The following AKAP13 variants were observed in gnomAD, a reference collection of about 807,000 sequenced individuals.
AKAP13 encodes the protein A-kinase anchoring protein 13.
A neutral mutation model predicts 264.5 loss-of-function variants in AKAP13; 80 were observed. The observed-to-expected ratio is 0.30, with a 90% CI of 0.25 to 0.36. The LOEUF (loss-of-function observed/expected upper bound fraction) is 0.36, where lower values mean the gene tolerates loss of function less well. Ranked by LOEUF, AKAP13 falls within the 10% of genes least tolerant of loss-of-function variation. AKAP13 has a pLI of 1.00. For synonymous variants in AKAP13, 1,380 were observed against 1,250.2 expected, an observed-to-expected ratio of 1.10 and a Z score of -2.19; for missense variants, 3,712 against 3,435.2, an observed-to-expected ratio of 1.08 and a Z score of -2.01.
At chr15:85,483,934 G>C (rs1186393088) in intron 1 of AKAP13, among the ~76,000 whole-genome samples, 1 of 151,978 alleles carries the variant, frequency 6.6e-6, no homozygotes, top group African/African-American at 2.4e-5. Flanking sequence ...TTCTTCCAGC[G>C]TGGCCCAGGG....
intron 1 of AKAP13, among the ~76,000 whole-genome samples, chr15:85,388,948 T>C (rs368713348): frequency 3.3e-5 from 5 of 152,338 alleles, no homozygotes; most frequent in Admixed American, 6.5e-5. Context: ...GCCAAACTTA[T>C]GTGTGTAAGT....
chr15:85,622,781 G>A (rs2081252164), intron 8 of AKAP13, among the ~76,000 whole-genome samples: 1 of 152,190 alleles, frequency 6.6e-6, no homozygotes, highest in Non-Finnish European at 1.5e-5. Flanking sequence ...TGCAGTCCCA[G>A]GTTGGACTGT....
At chr15:85,668,016 A>C (rs568250259) in intron 13 of AKAP13, among the ~76,000 whole-genome samples, 1 of 152,002 alleles carries the variant, frequency 6.6e-6, no homozygotes, top group East Asian at 1.9e-4. Flanking sequence ...TGGAATCTCT[A>C]CTTACCCATA....
At chr15:85,463,613 G>A (rs915170530) in intron 1 of AKAP13, among the ~76,000 whole-genome samples, 6 of 152,178 alleles carry the variant, frequency 3.9e-5, no homozygotes, top group South Asian at 2.1e-4. Context: ...ATCTTTTTGT[G>A]TGTGCTGCTT....
At chr15:85,655,965 A>G (rs191838396) in intron 11 of AKAP13, among the ~76,000 whole-genome samples, 178 bp downstream of exon 11, 5 of 152,346 alleles carry the variant, frequency 3.3e-5, no homozygotes, top group African/African-American at 1.2e-4. Flanking sequence ...TACTATGTAG[A>G]TGACCTTGGG....
At position 85,747,504 on chromosome 15, in the gene AKAP13, A is replaced by T. The variant is rs1167855480; in HGVS notation, c.*2827A>T. 6.6e-6 allele frequency: 1 copy of T among 152,550 alleles called. No homozygotes were observed. Among genetic ancestry groups the T allele is most frequent in the Non-Finnish European group, 1.5e-5 (1 of 68,024 alleles). 9.4% of individuals were successfully genotyped at this position (152,550 alleles called of 1,614,324 possible). A position where few individuals can be genotyped will look rare whatever the true frequency, so the allele number is the denominator to read the frequency against. The stretch of plus-strand genomic sequence containing the variant: ...TGAAACTGTGCTTAAGTTTTGGGGG[A>T]AAGATGGAGTTCCTATCCAGAGCCC... On this transcript the variant is annotated 3_prime_UTR_variant, in exon 37 of 37. Transcript: ENST00000394518.
Position 85,684,834 on chromosome 15 carries a change from C to T in AKAP13, c.5250C>T (p.Ser1750=), listed in dbSNP as rs758822597. The T allele has an allele frequency of 2.5e-6, 4 of 1,613,838 alleles. No homozygotes were observed. In the African/African-American group the frequency reaches 5.3e-5, roughly 22 times the overall value. Reference sequence around the variant, plus strand: ...GAACAAAAGTCAGTCGTACATTCAGCTACATCAAGAATAAAATGTCTAGCA... The same window carrying T: ...GAACAAAAGTCAGTCGTACATTCAGTTACATCAAGAATAAAATGTCTAGCA... ...KSGTKVSRTF[S]YIKNKMSSSK... Residue 1750 remains serine (S), a synonymous_variant, in exon 16 of 37, where the codon AGC becomes AGT. Coordinates refer to ENST00000394518, the MANE Select transcript of AKAP13 (RefSeq NM_007200.5).
intron 1 of AKAP13, among the ~76,000 whole-genome samples, chr15:85,387,456 A>G (rs2070630649): frequency 6.6e-6 from 1 of 152,150 alleles, no homozygotes; most frequent in African/African-American, 2.4e-5. Context: ...TCAGCCTCCC[A>G]AGTAGTTGGG....
chr15:85,559,415 G>A (rs528854779), intron 5 of AKAP13, among the ~76,000 whole-genome samples: 1 of 152,280 alleles, frequency 6.6e-6, no homozygotes, highest in East Asian at 1.9e-4. Context: ...CCTGTGGGAG[G>A]AGGGGATGTG....
At chr15:85,496,968 T>C (rs2075888486) in intron 2 of AKAP13, among the ~76,000 whole-genome samples, 1 of 152,232 alleles carries the variant, frequency 6.6e-6, no homozygotes, top group South Asian at 2.1e-4. Context: ...TAATGGGCTT[T>C]TCATTTGTAA....
chr15:85,698,479 A>AAAAAG (rs2085696881), intron 17 of AKAP13, among the ~76,000 whole-genome samples: 1 of 151,158 alleles, frequency 6.6e-6, no homozygotes, highest in South Asian at 2.1e-4. Flanking sequence ...AAAAAAAAAA[A>AAAAAG]AAAGGAGAGA....
chr15:85,513,081 A>C (rs953856210), intron 2 of AKAP13, among the ~76,000 whole-genome samples: 1 of 152,182 alleles, frequency 6.6e-6, no homozygotes, highest in Non-Finnish European at 1.5e-5. Context: ...CTGGGATTAC[A>C]GGCGTGAGCC....
intron 1 of AKAP13, among the ~76,000 whole-genome samples, chr15:85,462,164 C>T (rs1045749625): frequency 4.6e-5 from 7 of 152,188 alleles, no homozygotes; most frequent in African/African-American, 1.4e-4. Context: ...TGGCTTCTCA[C>T]CTGATAGCAG....
chr15:85,412,687 G>A (rs1176886464), intron 1 of AKAP13, among the ~76,000 whole-genome samples: 2 of 152,152 alleles, frequency 1.3e-5, no homozygotes, highest in Non-Finnish European at 2.9e-5. Context: ...AGGCAACCAA[G>A]AACTTTCAAA....
intron 8 of AKAP13, among the ~76,000 whole-genome samples, chr15:85,622,584 G>A (rs115690141): frequency 0.013 from 1,956 of 152,288 alleles, 44 homozygotes; most frequent in African/African-American, 0.044. Flanking sequence ...TTAGCCTGCC[G>A]TTATGATAGC....
intron 8 of AKAP13, among the ~76,000 whole-genome samples, chr15:85,603,581 A>G (rs1016850687): frequency 6.6e-6 from 1 of 152,252 alleles, no homozygotes; most frequent in Non-Finnish European, 1.5e-5. Context: ...GATGTGGCAT[A>G]CATGGACTTT....
intron 2 of AKAP13, among the ~76,000 whole-genome samples, chr15:85,501,943 C>T (rs1291201591): frequency 2.0e-5 from 3 of 152,130 alleles, no homozygotes; most frequent in African/African-American, 2.4e-5. Context: ...AGAAGGGGAA[C>T]CATTTAGGGA....
At chr15:85,467,633 T>G (rs1185265426) in intron 1 of AKAP13, among the ~76,000 whole-genome samples, 1 of 152,228 alleles carries the variant, frequency 6.6e-6, no homozygotes, top group Non-Finnish European at 1.5e-5. Flanking sequence ...GTGTCTTCCT[T>G]GTTTTCATAT....
At chr15:85,399,311 A>G (rs1184038505) in intron 1 of AKAP13, among the ~76,000 whole-genome samples, 1 of 150,522 alleles carries the variant, frequency 6.6e-6, no homozygotes, top group Non-Finnish European at 1.5e-5. Context: ...CCTGGCTAAC[A>G]AGGTGAAACC....
Sources: gnomAD v4.1 joint callset for allele counts (sites outside exome capture counted in the v4.1 genomes callset) on GRCh38, gnomAD v4.1.1 for gene constraint, MANE v1.5 for transcripts, NCBI Gene and HGNC (gene_info 2026-07-23, HGNC 2026-07-21) for gene names.